The following EIF4G3 variants were observed in gnomAD, a reference collection of about 807,000 sequenced individuals.
EIF4G3 encodes eIF-4-gamma 3.
A neutral mutation model predicts 186.4 loss-of-function variants in EIF4G3; 34 were observed. The ratio of observed to expected loss-of-function variants is 0.18; its 90% CI spans 0.14 to 0.24. The LOEUF (loss-of-function observed/expected upper bound fraction) is 0.24. Ranked by LOEUF, EIF4G3 falls within the 10% of genes least tolerant of loss-of-function variation. The pLI is 1.00. For missense variants in EIF4G3, 1,536 were observed against 1,948.5 expected (o/e 0.79, Z 3.99); for synonymous variants, 673 against 679.5 (o/e 0.99, Z 0.15).
chr1:21,161,268 C>T, intron 2 of EIF4G3, among the ~76,000 whole-genome samples: 1 of 152,140 alleles, frequency 6.6e-6, no homozygotes, highest in Non-Finnish European at 1.5e-5. Context: ...CTTTGGGAGG[C>T]CGAGGCGGGT....
At chr1:21,048,452 C>A (rs1017087940) in intron 4 of EIF4G3, among the ~76,000 whole-genome samples, 3 of 152,008 alleles carry the variant, frequency 2.0e-5, no homozygotes, top group African/African-American at 7.2e-5. Flanking sequence ...AAGGGTTTTG[C>A]TCCCTGGTTC....
intron 14 of EIF4G3, among the ~76,000 whole-genome samples, chr1:20,924,114 T>C (rs1432164937): frequency 6.6e-6 from 1 of 152,192 alleles, no homozygotes; most frequent in Non-Finnish European, 1.5e-5. Context: ...AGTTTGAATA[T>C]CTTCTCTAAT....
chr1:20,955,852 A>C (rs1314734980), intron 12 of EIF4G3, among the ~76,000 whole-genome samples: 1 of 152,120 alleles, frequency 6.6e-6, no homozygotes, highest in African/African-American at 2.4e-5. Flanking sequence ...TAAGGTTTGG[A>C]AGTCATGGGT....
chr1:21,056,497 A>G (rs527567228), intron 3 of EIF4G3, among the ~76,000 whole-genome samples: 1 of 152,340 alleles, frequency 6.6e-6, no homozygotes, highest in Admixed American at 6.5e-5. Flanking sequence ...GAAATTATAC[A>G]GAACAGAAAT....
At chr1:21,072,015 T>C (rs1346396182) in intron 3 of EIF4G3, among the ~76,000 whole-genome samples, 4 of 152,178 alleles carry the variant, frequency 2.6e-5, no homozygotes, top group Non-Finnish European at 4.4e-5. Context: ...TTATTAAAAA[T>C]GAACAATGGG....
Position 20,844,324 on chromosome 1 carries a change from T to A in EIF4G3, c.3889-3296A>T, listed in dbSNP as rs573081471. Among the ~76,000 whole-genome samples the A allele has an allele frequency of 5.3e-5, 8 of 152,324 alleles. No individual in the cohort carries two copies. In the East Asian group the frequency reaches 1.3e-3, roughly 26 times the overall value. On this transcript the variant is annotated intron_variant, in intron 29 of 36. Coordinates refer to ENST00000602326, the MANE Select transcript of EIF4G3 (RefSeq NM_001391906.1). ...CGCCAACACCTATTATTTTTTGACTTTTTAATAATAGTCATTCTGACTGGT... is the reference window on the plus strand; with the variant it reads ...CGCCAACACCTATTATTTTTTGACTATTTAATAATAGTCATTCTGACTGGT...
chr1:20,925,472 T>C (rs2094819731), intron 14 of EIF4G3, among the ~76,000 whole-genome samples: 2 of 152,334 alleles, frequency 1.3e-5, no homozygotes, highest in African/African-American at 4.8e-5. Context: ...AAAGCCCTAA[T>C]AGTTTTTGGA....
chr1:21,106,439 C>T (rs1307857724), intron 2 of EIF4G3, among the ~76,000 whole-genome samples: 1 of 151,740 alleles, frequency 6.6e-6, no homozygotes, highest in Non-Finnish European at 1.5e-5. Flanking sequence ...GCATAAGAGG[C>T]ATGAAGGAAA....
intron 14 of EIF4G3, among the ~76,000 whole-genome samples, chr1:20,930,986 G>A (rs891500953): frequency 7.9e-5 from 12 of 151,446 alleles, no homozygotes; most frequent in Middle Eastern, 3.2e-3. Flanking sequence ...GACTACAGGC[G>A]TGCGCCACTG....
At position 20,899,782 on chromosome 1, in the gene EIF4G3, C is replaced by A; in HGVS notation, c.1914G>T (p.Glu638Asp). 1 of 1,614,156 alleles carries A rather than the reference C, an allele frequency of 6.2e-7. No individual in the cohort carries two copies. Among genetic ancestry groups the A allele is most frequent in the Non-Finnish European group, 8.5e-7 (1 of 1,180,022 alleles). Residue 638 changes from glutamate (E) to aspartate (D), a missense_variant, in exon 16 of 37, where the codon GAG becomes GAT. By Grantham distance (45) the Glu-to-Asp change is conservative. This residue lies in a region of EIF4G3 where 560 missense variants were observed against 547.8 expected (regional missense o/e 1.02). Transcript: ENST00000602326. The stretch of plus-strand genomic sequence containing the variant: ...CTATTCCTTCACCCTCAGAAACACT[C>A]TCAGCACCATTACGTACTGGCTCAG... ...EEAEPVRNGA[E>D]SVSEGEGIDA...
At chr1:21,141,455 C>G (rs1197986649) in intron 2 of EIF4G3, among the ~76,000 whole-genome samples, 1 of 128,068 alleles carries the variant, frequency 7.8e-6, no homozygotes, top group Non-Finnish European at 1.6e-5. Context: ...TTCAAAAGAA[C>G]TTTTGTATTT....
chr1:21,106,515 G>A (rs1431470455), intron 2 of EIF4G3, among the ~76,000 whole-genome samples: 3 of 152,034 alleles, frequency 2.0e-5, no homozygotes, highest in African/African-American at 7.2e-5. Context: ...AGTACTACTC[G>A]CCAAAACTGG....
intron 4 of EIF4G3, among the ~76,000 whole-genome samples, chr1:21,014,297 T>G (rs534916821): frequency 6.6e-6 from 1 of 152,242 alleles, no homozygotes; most frequent in Non-Finnish European, 1.5e-5. Flanking sequence ...GACAAGTTCC[T>G]GGGGTATTTG....
chr1:21,009,814 C>A (rs1232004351), intron 4 of EIF4G3, among the ~76,000 whole-genome samples: 1 of 151,982 alleles, frequency 6.6e-6, no homozygotes, highest in Non-Finnish European at 1.5e-5. Context: ...GCCACCACAC[C>A]CTGCTAATTT....
intron 2 of EIF4G3, among the ~76,000 whole-genome samples, chr1:21,165,581 C>CA (rs2097843013): frequency 6.6e-6 from 1 of 152,048 alleles, no homozygotes; most frequent in East Asian, 1.9e-4. Context: ...AAATCACACA[C>CA]AAAAAATACA....
At chr1:20,881,961 C>T (rs571127577) in intron 19 of EIF4G3, among the ~76,000 whole-genome samples, 16 of 151,754 alleles carry the variant, frequency 1.1e-4, no homozygotes, top group East Asian at 9.7e-4. Flanking sequence ...TCAGGGGTTT[C>T]GAGACCAGCC....
intron 2 of EIF4G3, among the ~76,000 whole-genome samples, chr1:21,153,356 A>G (rs1187399011): frequency 6.6e-6 from 1 of 152,222 alleles, no homozygotes; most frequent in African/African-American, 2.4e-5. Context: ...CAGCTACCAC[A>G]GTAACATTTA....
In EIF4G3 at chr1:20,985,529, A is replaced by AAT. The variant is rs1553388998; in HGVS notation, c.178-3123_178-3122dup. The stretch of plus-strand genomic sequence containing the variant: ...GACTAGAAATGCAAAAAAAAAAAAA[A>AAT]ATATATATCCTTTTTGTACTCCTTC... On this transcript the variant is annotated intron_variant, in intron 7 of 36. Transcript: ENST00000602326. Among the ~76,000 whole-genome samples, 531 of 151,150 alleles carry AAT rather than the reference A, an allele frequency of 3.5e-3. 3 individuals are homozygous for AAT. The highest frequency in any genetic ancestry group is 6.0e-3 in the Non-Finnish European group (409 of 67,772).
chr1:20,920,899 C>G (rs544558014), intron 14 of EIF4G3, among the ~76,000 whole-genome samples: 9 of 152,212 alleles, frequency 5.9e-5, no homozygotes, highest in African/African-American at 1.9e-4. Context: ...AGCTAAAGTC[C>G]CAATATTATT....
Sources: allele counts gnomAD v4.1 joint callset (sites outside exome capture counted in the v4.1 genomes callset), GRCh38; gene constraint gnomAD v4.1.1; regional missense constraint gnomAD v4.1.1; transcripts MANE v1.5; gene names NCBI Gene and HGNC (gene_info 2026-07-23, HGNC 2026-07-21).